LRRC37A2: variants seen among roughly 807,000 people sequenced by gnomAD.
LRRC37A2 encodes the protein leucine-rich repeat-containing protein 37A2.
LRRC37A2 carries 9 observed loss-of-function variants against 68.8 expected under a neutral mutation model. The ratio of observed to expected loss-of-function variants is 0.13; its 90% CI spans 0.08 to 0.23. The LOEUF is 0.23. Ranked by LOEUF, LRRC37A2 falls within the 10% of genes least tolerant of loss-of-function variation. The pLI is 1.00. For missense variants in LRRC37A2, 168 were observed against 950.4 expected, an observed-to-expected ratio of 0.18 and a Z score of 10.82; for synonymous variants, 63 against 367.6, an observed-to-expected ratio of 0.17 and a Z score of 9.48.
chr17:46,990,041 G>C, the LRRC37A2 span, among the ~76,000 whole-genome samples: 1 of 152,124 alleles, frequency 6.6e-6, no homozygotes, highest in African/African-American at 2.4e-5. Context: ...ATAAGCCAAA[G>C]TGGGCCAATC....
At chr17:46,584,965 C>T in the LRRC37A2 span, among the ~76,000 whole-genome samples, 1 of 57,518 alleles carries the variant, frequency 1.7e-5, no homozygotes, top group Non-Finnish European at 3.7e-5. Context: ...TCTTGGAAAG[C>T]TGTGTTCCTT....
chr17:47,035,107 G>C, the LRRC37A2 span: 1 of 152,132 alleles, frequency 6.6e-6, no homozygotes, highest in African/African-American at 2.4e-5. Flanking sequence ...AGCATGTTTG[G>C]TCTTCTGGCA....
the LRRC37A2 span, among the ~76,000 whole-genome samples, chr17:46,949,853 C>T: frequency 6.6e-6 from 1 of 152,132 alleles, no homozygotes; most frequent in Non-Finnish European, 1.5e-5. Flanking sequence ...GGCTGGAGCT[C>T]AGGCTTCAGG....
At chr17:46,499,670 G>A in the LRRC37A2 span, among the ~76,000 whole-genome samples, 1 of 112,708 alleles carries the variant, frequency 8.9e-6, no homozygotes, top group Admixed American at 9.2e-5. Flanking sequence ...ACCGTACAAA[G>A]TGTCAGAAGC....
chr17:46,711,062 C>G, the LRRC37A2 span: 1 of 1,586,990 alleles, frequency 6.3e-7, no homozygotes, highest in Non-Finnish European at 8.5e-7. Context: ...TGGGGAGCTG[C>G]TGGTGCAGCA....
the LRRC37A2 span, among the ~76,000 whole-genome samples, chr17:46,743,837 A>G: frequency 6.6e-6 from 1 of 152,054 alleles, no homozygotes; most frequent in South Asian, 2.1e-4. Flanking sequence ...TGCTTTTTAT[A>G]TTAAATATTT....
chr17:46,951,877 G>C, the LRRC37A2 span, among the ~76,000 whole-genome samples: 1 of 151,932 alleles, frequency 6.6e-6, no homozygotes, highest in Non-Finnish European at 1.5e-5. Flanking sequence ...CGGGGTGTTT[G>C]CCTCGCTGCT....
the LRRC37A2 span, among the ~76,000 whole-genome samples, chr17:46,709,613 G>A: frequency 1.3e-5 from 2 of 151,824 alleles, no homozygotes. Flanking sequence ...TCCTACCTCA[G>A]CCTCCCAAGT....
the LRRC37A2 span, among the ~76,000 whole-genome samples, chr17:46,748,005 T>G: frequency 6.6e-6 from 1 of 152,226 alleles, no homozygotes; most frequent in Non-Finnish European, 1.5e-5. Context: ...AGTTTTGTAT[T>G]AAAAAGGTTA....
the LRRC37A2 span, among the ~76,000 whole-genome samples, chr17:46,853,512 T>C: frequency 1.3e-5 from 2 of 151,814 alleles, no homozygotes; most frequent in Non-Finnish European, 2.9e-5. Flanking sequence ...GCTGGGACTA[T>C]AGGCGCGTGC....
At chr17:46,773,852 G>A in the LRRC37A2 span, 1 of 1,613,128 alleles carries the variant, frequency 6.2e-7, no homozygotes, top group Middle Eastern at 1.8e-4. Context: ...CTGGGATGGA[G>A]CCGCAGAGCA....
the LRRC37A2 span, among the ~76,000 whole-genome samples, chr17:46,865,604 T>C: frequency 6.6e-6 from 1 of 152,034 alleles, no homozygotes; most frequent in Non-Finnish European, 1.5e-5. Context: ...GGCAAAAAGC[T>C]GATGCTTAGA....
At chr17:46,741,675 C>G in the LRRC37A2 span, among the ~76,000 whole-genome samples, 1 of 152,140 alleles carries the variant, frequency 6.6e-6, no homozygotes, top group Non-Finnish European at 1.5e-5. Flanking sequence ...TCTCCCTTCA[C>G]TTGTCTCTGG....
the LRRC37A2 span, among the ~76,000 whole-genome samples, chr17:46,806,946 C>T: frequency 6.6e-6 from 1 of 152,176 alleles, no homozygotes; most frequent in Non-Finnish European, 1.5e-5. Context: ...CACTCCGTCA[C>T]CTGTGGAATG....
At chr17:47,002,199 T>A in the LRRC37A2 span, among the ~76,000 whole-genome samples, 1 of 152,170 alleles carries the variant, frequency 6.6e-6, no homozygotes, top group Non-Finnish European at 1.5e-5. Context: ...CATTACTTTT[T>A]AAATGTTTAA....
chr17:46,977,296 AAG>A, the LRRC37A2 span, among the ~76,000 whole-genome samples: 1 of 152,244 alleles, frequency 6.6e-6, no homozygotes, highest in African/African-American at 2.4e-5. Flanking sequence ...AGAGAGAAGA[AAG>A]GGAGAAATCC....
the LRRC37A2 span, among the ~76,000 whole-genome samples, chr17:46,879,959 C>A: frequency 3.3e-5 from 5 of 152,248 alleles, no homozygotes; most frequent in African/African-American, 1.2e-4. Flanking sequence ...TTGGGCTACA[C>A]CACTGGGCCC....
At chr17:46,851,297 C>G in the LRRC37A2 span, among the ~76,000 whole-genome samples, 2 of 151,988 alleles carry the variant, frequency 1.3e-5, no homozygotes, top group African/African-American at 4.8e-5. The surrounding 1 kb of genome is among the most constrained non-coding windows in gnomAD (Gnocchi z 4.3). Flanking sequence ...TACCCTCCTC[C>G]CCGCCTCTCC....
At chr17:46,976,740 G>A in the LRRC37A2 span, among the ~76,000 whole-genome samples, 2 of 151,608 alleles carry the variant, frequency 1.3e-5, no homozygotes, top group East Asian at 1.9e-4. Context: ...GGGATTTTAC[G>A]CAAATGCCTG....
Sources: allele counts gnomAD v4.1 joint callset (sites outside exome capture counted in the v4.1 genomes callset), GRCh38; gene constraint gnomAD v4.1.1; non-coding constraint Gnocchi (gnomAD v3.1); transcripts MANE v1.5; gene names NCBI Gene and HGNC (gene_info 2026-07-23, HGNC 2026-07-21).